The following CLVS1 variants were observed in gnomAD, a reference collection of about 807,000 sequenced individuals.
The protein encoded by CLVS1 is clavesin-1.
In CLVS1, 10 loss-of-function variants were observed where a neutral mutation model predicts 33.1. The observed-to-expected ratio is 0.30, with a 90% CI of 0.19 to 0.51. The LOEUF (loss-of-function observed/expected upper bound fraction) is 0.51, where lower values mean the gene tolerates loss of function less well. Ranked by LOEUF, CLVS1 falls within the 20% of genes least tolerant of loss-of-function variation. The pLI is 0.97. For synonymous variants in CLVS1, 163 were observed against 166.1 expected (o/e 0.98, Z 0.14); for missense variants, 343 against 433.4 (o/e 0.79, Z 1.85).
At chr8:61,499,122 A>G (rs923774950) in intron 5 of CLVS1, among the ~76,000 whole-genome samples, 1 of 152,222 alleles carries the variant, frequency 6.6e-6, no homozygotes, top group Non-Finnish European at 1.5e-5. Context: ...AAAAGAAGTA[A>G]GAAAAACAGA....
At chr8:61,255,184 T>A (rs1809051194) in intron 2 of CLVS1, among the ~76,000 whole-genome samples, 1 of 152,200 alleles carries the variant, frequency 6.6e-6, no homozygotes, top group Admixed American at 6.5e-5. Context: ...ACAGAATATT[T>A]CAGTGGGAAG....
intron 1 of CLVS1, among the ~76,000 whole-genome samples, chr8:61,078,927 A>C (rs887716624): frequency 6.6e-5 from 10 of 152,238 alleles, no homozygotes; most frequent in Admixed American, 1.3e-4. Flanking sequence ...CTGAAAAGTC[A>C]AATTATCCCA....
intron 1 of CLVS1, among the ~76,000 whole-genome samples, chr8:61,066,384 G>C (rs190977536): frequency 6.6e-6 from 1 of 152,150 alleles, no homozygotes; most frequent in Non-Finnish European, 1.5e-5. Flanking sequence ...TGTAGTCCTA[G>C]CTACTTGGAG....
chr8:61,374,923 C>CT (rs887969003), intron 2 of CLVS1, among the ~76,000 whole-genome samples: 12 of 152,034 alleles, frequency 7.9e-5, no homozygotes, highest in African/African-American at 2.9e-4. Context: ...GTAAGAAGAA[C>CT]TATACAGAAA....
chr8:61,309,287 G>C (rs1467112152), intron 2 of CLVS1, among the ~76,000 whole-genome samples: 1 of 152,198 alleles, frequency 6.6e-6, no homozygotes, highest in Non-Finnish European at 1.5e-5. Flanking sequence ...CGCTTTAATG[G>C]AATGAATCCG....
chr8:61,439,384 G>T (rs918661126), intron 3 of CLVS1, among the ~76,000 whole-genome samples: 2 of 152,200 alleles, frequency 1.3e-5, no homozygotes, highest in Non-Finnish European at 2.9e-5. Flanking sequence ...TGTGGTTAGA[G>T]AAGTTGGAAG....
At chr8:61,125,359 T>TG (rs1191637620) in intron 1 of CLVS1, among the ~76,000 whole-genome samples, 4 of 152,078 alleles carry the variant, frequency 2.6e-5, no homozygotes, top group Non-Finnish European at 4.4e-5. Context: ...GGACAGGTTG[T>TG]GGGGGGCTAG....
At chr8:61,209,550 A>G (rs530117939) in intron 2 of CLVS1, among the ~76,000 whole-genome samples, 53 of 152,370 alleles carry the variant, frequency 3.5e-4, no homozygotes, top group African/African-American at 1.0e-3. Flanking sequence ...TAGAGACAGA[A>G]GAAGAGACCA....
the CLVS1 span, among the ~76,000 whole-genome samples, chr8:61,030,379 A>T: frequency 6.6e-6 from 1 of 152,198 alleles, no homozygotes; most frequent in Non-Finnish European, 1.5e-5. Context: ...AGAATCGATG[A>T]AGTTATGAAC....
At chr8:61,023,597 G>A in the CLVS1 span, among the ~76,000 whole-genome samples, 1 of 152,220 alleles carries the variant, frequency 6.6e-6, no homozygotes, top group South Asian at 2.1e-4. Flanking sequence ...TCATCAAGTA[G>A]GATTTATGTT....
At chr8:61,263,891 T>G (rs1585732515) in intron 2 of CLVS1, among the ~76,000 whole-genome samples, 2 of 152,306 alleles carry the variant, frequency 1.3e-5, no homozygotes, top group African/African-American at 4.8e-5. Context: ...AACTGCAACG[T>G]GTTCCTTTCA....
chr8:61,442,318 G>A (rs1266365171), intron 3 of CLVS1, among the ~76,000 whole-genome samples: 3 of 152,132 alleles, frequency 2.0e-5, no homozygotes, highest in African/African-American at 7.2e-5. Flanking sequence ...TGGTCTGGCT[G>A]TACCAGTTTG....
intron 2 of CLVS1, among the ~76,000 whole-genome samples, chr8:61,134,188 A>G (rs1232517844): frequency 6.6e-6 from 1 of 152,152 alleles, no homozygotes; most frequent in African/African-American, 2.4e-5. Flanking sequence ...AGAAATAGAC[A>G]GTTTAAAAAG....
intron 2 of CLVS1, among the ~76,000 whole-genome samples, chr8:61,245,212 T>C (rs1257493874): frequency 6.6e-6 from 1 of 152,192 alleles, no homozygotes; most frequent in African/African-American, 2.4e-5. Context: ...TGTCTTTTTT[T>C]TTTCTTTGAC....
At chr8:61,347,039 C>G (rs1812246300) in intron 2 of CLVS1, among the ~76,000 whole-genome samples, 1 of 152,144 alleles carries the variant, frequency 6.6e-6, no homozygotes, top group Non-Finnish European at 1.5e-5. Context: ...AGAGAATAAT[C>G]CCCCATGTTG....
intron 2 of CLVS1, among the ~76,000 whole-genome samples, chr8:61,141,274 G>A (rs1009827691): frequency 1.3e-5 from 2 of 151,700 alleles, no homozygotes; most frequent in Non-Finnish European, 2.9e-5. Flanking sequence ...TGGTCGAAAG[G>A]CCATAAAATA....
At chr8:61,004,629 C>T in the CLVS1 span, among the ~76,000 whole-genome samples, 1 of 152,194 alleles carries the variant, frequency 6.6e-6, no homozygotes, top group Non-Finnish European at 1.5e-5. Flanking sequence ...CTCAGAGTGA[C>T]CGCCAGGAAG....
chr8:61,013,260 C>A, the CLVS1 span, among the ~76,000 whole-genome samples: 2 of 152,286 alleles, frequency 1.3e-5, no homozygotes, highest in South Asian at 4.2e-4. Flanking sequence ...GCCAATTATG[C>A]CACAAATAAA....
intron 3 of CLVS1, among the ~76,000 whole-genome samples, chr8:61,400,724 T>C (rs1048286518): frequency 2.4e-4 from 37 of 152,192 alleles, no homozygotes; most frequent in Non-Finnish European, 3.8e-4. Context: ...CCTAGTTTAT[T>C]GAGAGTTGTT....
Sources: gnomAD v4.1 joint callset for allele counts (sites outside exome capture counted in the v4.1 genomes callset) on GRCh38, gnomAD v4.1.1 for gene constraint, MANE v1.5 for transcripts, NCBI Gene and HGNC (gene_info 2026-07-23, HGNC 2026-07-21) for gene names.